The following CENPK variants were observed in gnomAD, a reference collection of about 807,000 sequenced individuals.
CENPK encodes centromere protein K, also known as SoxLZ/Sox6-binding protein Solt.
In CENPK, 46 loss-of-function variants were observed where a neutral mutation model predicts 40.9. The observed-to-expected ratio is 1.13, with a 90% CI of 0.89 to 1.44. The LOEUF (loss-of-function observed/expected upper bound fraction) is 1.44. Among genes scored for constraint, CENPK ranks in the 40% most tolerant of loss-of-function variants. CENPK has a pLI of 0.00. For missense variants in CENPK, 288 were observed against 303.5 expected (o/e 0.95, Z 0.38); for synonymous variants, 107 against 104.4 (o/e 1.02, Z -0.15).
intron 2 of CENPK, among the ~76,000 whole-genome samples, chr5:65,555,986 T>C (rs1014875588): frequency 2.0e-5 from 3 of 152,204 alleles, no homozygotes; most frequent in Non-Finnish European, 4.4e-5. Context: ...ACACACTACA[T>C]AATGACATTT....
intron 5 of CENPK, among the ~76,000 whole-genome samples, chr5:65,549,698 A>G (rs1422626626): frequency 6.6e-6 from 1 of 152,172 alleles, no homozygotes; most frequent in Non-Finnish European, 1.5e-5. Context: ...CTAGCTTCAC[A>G]CTTTTCTTCT....
intron 5 of CENPK, among the ~76,000 whole-genome samples, chr5:65,544,984 A>C (rs1163611114): frequency 1.3e-5 from 2 of 152,204 alleles, no homozygotes; most frequent in Non-Finnish European, 2.9e-5. Context: ...ACTACTGTGA[A>C]CTATACACTT....
At chr5:65,548,210 A>G (rs1029664771) in intron 5 of CENPK, among the ~76,000 whole-genome samples, 4 of 152,202 alleles carry the variant, frequency 2.6e-5, no homozygotes, top group African/African-American at 9.7e-5. Context: ...AAGTCACACA[A>G]ATTTTTTGTT....
chr5:65,521,452 A>G, intron 10 of CENPK, 23 bp downstream of exon 10: 1 of 1,595,938 alleles, frequency 6.3e-7, no homozygotes, highest in Non-Finnish European at 8.6e-7. Flanking sequence ...TTCAAGACAA[A>G]ACAAACTACA....
intron 2 of CENPK, chr5:65,555,289 G>C: frequency 6.1e-6 from 1 of 163,144 alleles, no homozygotes; most frequent in Non-Finnish European, 1.3e-5. Context: ...AAGAAATGAG[G>C]TCAAGGATGA....
At chr5:65,526,561 G>A (rs977596971) in intron 9 of CENPK, among the ~76,000 whole-genome samples, 1 of 152,130 alleles carries the variant, frequency 6.6e-6, no homozygotes, top group African/African-American at 2.4e-5. Flanking sequence ...AGATAGAAGA[G>A]ATACAAAGAT....
At chr5:65,504,302 C>A in the CENPK span, among the ~76,000 whole-genome samples, 2 of 151,440 alleles carry the variant, frequency 1.3e-5, no homozygotes, top group African/African-American at 4.8e-5. Context: ...ACTAAAAATA[C>A]AAAATTAGCC....
At chr5:65,547,264 G>C (rs1009912791) in intron 5 of CENPK, among the ~76,000 whole-genome samples, 3 of 151,856 alleles carry the variant, frequency 2.0e-5, no homozygotes, top group Non-Finnish European at 4.4e-5. Flanking sequence ...ATGATGGCAG[G>C]CACCTGTAAT....
intron 2 of CENPK, among the ~76,000 whole-genome samples, chr5:65,559,340 CAT>C (rs761119014): frequency 2.4e-4 from 36 of 152,210 alleles, no homozygotes; most frequent in Non-Finnish European, 4.3e-4. Flanking sequence ...GTAAAATTTA[CAT>C]GGAAGGGCCG....
At chr5:65,528,724 C>A in intron 8 of CENPK, 146 bp from the exon 9 acceptor site, 1 of 1,157,268 alleles carries the variant, frequency 8.6e-7, no homozygotes, top group Non-Finnish European at 1.2e-6. Flanking sequence ...ATCATATTGT[C>A]TATATAACAA....
chr5:65,549,110 T>A (rs9647527), intron 5 of CENPK, among the ~76,000 whole-genome samples: 1 of 152,158 alleles, frequency 6.6e-6, no homozygotes, highest in African/African-American at 2.4e-5. Flanking sequence ...GCAGAACAGA[T>A]GTTGCATCAA....
chr5:65,537,428 C>G (rs1032342644), intron 6 of CENPK, among the ~76,000 whole-genome samples: 2 of 152,150 alleles, frequency 1.3e-5, no homozygotes, highest in Non-Finnish European at 2.9e-5. Context: ...CCTCAGCCTC[C>G]CAAGTAGGTG....
intron 6 of CENPK, among the ~76,000 whole-genome samples, chr5:65,531,459 G>C (rs1379875624): frequency 1.3e-5 from 2 of 150,518 alleles, no homozygotes; most frequent in Admixed American, 6.6e-5. Flanking sequence ...AGATTTCTGG[G>C]ATGAAGCAAA....
At position 65,518,411 on chromosome 5, in the gene CENPK, T is replaced by C. The variant is rs1743090066; in HGVS notation, c.*64A>G. Reference sequence around the variant, plus strand: ...CAAATAATGTTTTTTATCCAAATAGTCCTGTGGTTCCAATATCCTTGAATG... The same window carrying C: ...CAAATAATGTTTTTTATCCAAATAGCCCTGTGGTTCCAATATCCTTGAATG... On this transcript the variant is annotated 3_prime_UTR_variant, in exon 11 of 11. Transcript: ENST00000396679. 2 of 1,494,548 alleles carry C rather than the reference T, an allele frequency of 1.3e-6. No individual in the cohort carries two copies. The highest frequency in any genetic ancestry group is 1.8e-6 in the Non-Finnish European group (2 of 1,093,886). The allele number at this position is 1,494,548 out of a possible 1,614,324, so 92.6% of individuals were successfully genotyped here.
chr5:65,506,256 G>A, the CENPK span, among the ~76,000 whole-genome samples: 1 of 150,788 alleles, frequency 6.6e-6, no homozygotes, highest in Admixed American at 6.7e-5. Flanking sequence ...GCAGGCACCT[G>A]TAGTCCTAGC....
the CENPK span, among the ~76,000 whole-genome samples, chr5:65,498,061 G>T: frequency 6.6e-6 from 1 of 152,036 alleles, no homozygotes; most frequent in Admixed American, 6.6e-5. Context: ...TGTATAATTG[G>T]TATGAATTGT....
chr5:65,497,522 T>C, the CENPK span, among the ~76,000 whole-genome samples: 3 of 151,798 alleles, frequency 2.0e-5, no homozygotes, highest in African/African-American at 7.3e-5. Flanking sequence ...AAGATAGGAG[T>C]CACAGTCTTT....
chr5:65,511,745 C>T, the CENPK span, among the ~76,000 whole-genome samples: 3 of 152,280 alleles, frequency 2.0e-5, no homozygotes, highest in South Asian at 6.2e-4. Context: ...AGGTTGCATG[C>T]TCCTTATGAG....
chr5:65,513,713 T>C (rs1742664858), downstream of CENPK, among the ~76,000 whole-genome samples: 1 of 152,186 alleles, frequency 6.6e-6, no homozygotes, highest in African/African-American at 2.4e-5. Flanking sequence ...GACATAGGAA[T>C]TTTGTCTTAT....
Sources: allele counts gnomAD v4.1 joint callset (sites outside exome capture counted in the v4.1 genomes callset), GRCh38; gene constraint gnomAD v4.1.1; transcripts MANE v1.5; gene names NCBI Gene and HGNC (gene_info 2026-07-23, HGNC 2026-07-21).